Variants in GPSM1 observed in about 807,000 individuals in gnomAD.
The protein encoded by GPSM1 is G protein-signaling modulator 1.
Under a neutral mutation model 70.5 loss-of-function variants are expected in GPSM1, and 48 were observed. The ratio of observed to expected loss-of-function variants is 0.68; its 90% CI spans 0.54 to 0.87. GPSM1 has a LOEUF of 0.87. Ranked by LOEUF, GPSM1 falls within the 40% of genes least tolerant of loss-of-function variation. The probability of loss-of-function intolerance (pLI) is 0.00; values close to 1 mark genes in which losing one functional copy is unlikely to be tolerated. For synonymous variants in GPSM1, 416 were observed against 430.1 expected, an observed-to-expected ratio of 0.97 and a Z score of 0.41; for missense variants, 981 against 972.6, an observed-to-expected ratio of 1.01 and a Z score of -0.11.
chr9:136,334,305 G>T, intron 1 of GPSM1, 142 bp from the exon 2 acceptor site: 1 of 641,312 alleles, frequency 1.6e-6, no homozygotes, highest in Non-Finnish European at 2.7e-6. Flanking sequence ...GTATCCCAAA[G>T]AGACACTTAG....
Position 136,358,089 on chromosome 9 carries a change from T to G in GPSM1, c.1897T>G (p.Phe633Val), listed in dbSNP as rs1564360694. Residue 633 changes from phenylalanine (F) to valine (V), a missense_variant, in exon 14 of 14, where the codon TTC (phenylalanine) becomes GTC (valine). Physicochemically the swap from Phe to Val is conservative, Grantham distance 50. Transcript: ENST00000440944. ...GGGCCCTACCATGCCGGACGAGGAC[T>G]TCTTCAGCCTCATTCAGAGGGTGCA... ...PRGPTMPDED[F>V]FSLIQRVQAK... 1 of 1,612,702 alleles carries G rather than the reference T, an allele frequency of 6.2e-7. No homozygotes were observed. Among genetic ancestry groups the G allele is most frequent in the Admixed American group, 1.7e-5 (1 of 60,010 alleles).
chr9:136,336,581 C>T (rs1159132925), intron 3 of GPSM1, among the ~76,000 whole-genome samples: 2 of 152,208 alleles, frequency 1.3e-5, no homozygotes, highest in Non-Finnish European at 2.9e-5. Context: ...GTGACTTACC[C>T]CCCGTCACAC....
chr9:136,330,026 A>G (rs913073049), intron 1 of GPSM1, among the ~76,000 whole-genome samples: 37 of 151,910 alleles, frequency 2.4e-4, no homozygotes, highest in African/African-American at 9.0e-4. Flanking sequence ...TGGGTGCTAC[A>G]GTTAATGCTC....
intron 3 of GPSM1, among the ~76,000 whole-genome samples, chr9:136,336,405 C>T (rs966365353): frequency 2.0e-5 from 3 of 152,188 alleles, no homozygotes; most frequent in South Asian, 2.1e-4. Flanking sequence ...GGGGGCCCAG[C>T]GGGAGGCAGG....
At chr9:136,356,310 G>A (rs1554773123) in intron 12 of GPSM1, 32 bp from the exon 13 acceptor site, 3 of 1,483,368 alleles carry the variant, frequency 2.0e-6, no homozygotes, top group East Asian at 2.4e-5. Context: ...CCCCGCACTG[G>A]GTCCCAGGTC....
intron 11 of GPSM1, chr9:136,353,084 T>C (rs1832715580): frequency 3.0e-6 from 3 of 985,416 alleles, no homozygotes; most frequent in Non-Finnish European, 3.6e-6. Context: ...GCACCTTGTG[T>C]CCTGCCTGCG....
At chr9:136,337,654 G>T in intron 5 of GPSM1, 90 bp downstream of exon 5, 1 of 1,324,992 alleles carries the variant, frequency 7.5e-7, no homozygotes, top group Non-Finnish European at 1.1e-6. Context: ...AAAGGGCAGG[G>T]TGGTATGGCC....
At chr9:136,332,525 T>C (rs1774548141) in intron 1 of GPSM1, among the ~76,000 whole-genome samples, 1 of 152,164 alleles carries the variant, frequency 6.6e-6, no homozygotes, top group Non-Finnish European at 1.5e-5. Context: ...TCTCCTCCGA[T>C]GTTGCCTGGA....
intron 7 of GPSM1, among the ~76,000 whole-genome samples, 170 bp downstream of exon 7, chr9:136,338,880 C>T (rs1225113755): frequency 6.6e-6 from 1 of 152,222 alleles, no homozygotes; most frequent in East Asian, 1.9e-4. Context: ...GGACATTGGG[C>T]CGGCCACTGA....
chr9:136,333,654 C>A (rs1350208900), intron 1 of GPSM1, among the ~76,000 whole-genome samples: 1 of 152,192 alleles, frequency 6.6e-6, no homozygotes, highest in South Asian at 2.1e-4. Context: ...AGGTGGCGCT[C>A]ACACGGCGGA....
chr9:136,338,034 GC>G, intron 6 of GPSM1, 73 bp downstream of exon 6: 2 of 975,470 alleles, frequency 2.1e-6, no homozygotes. Context: ...GGAAGTGCCC[GC>G]CCCAAGCTGG....
intron 1 of GPSM1, among the ~76,000 whole-genome samples, chr9:136,332,539 AG>A (rs1832126453): frequency 6.6e-6 from 1 of 152,184 alleles, no homozygotes. Context: ...GCCTGGAAGG[AG>A]GGGGCAGTAA....
chr9:136,332,371 C>T (rs1832121415), intron 1 of GPSM1, among the ~76,000 whole-genome samples: 1 of 152,228 alleles, frequency 6.6e-6, no homozygotes, highest in African/African-American at 2.4e-5. Flanking sequence ...CCAGGCCCTT[C>T]CCAGGCCAGA....
At chr9:136,354,461 T>C (rs1170786226) in intron 11 of GPSM1, among the ~76,000 whole-genome samples, 1 of 151,976 alleles carries the variant, frequency 6.6e-6, no homozygotes, top group African/African-American at 2.4e-5. Context: ...GGAGGTGCCA[T>C]CTCCACCAAC....
At chr9:136,336,844 G>A in intron 3 of GPSM1, 77 bp from the exon 4 acceptor site, 2 of 1,395,430 alleles carry the variant, frequency 1.4e-6, no homozygotes, top group Non-Finnish European at 1.9e-6. Context: ...GGGACAGTGA[G>A]GACACCGGTG....
intron 8 of GPSM1, 150 bp downstream of exon 8, chr9:136,339,965 G>GGCCCCCCTCATCC: frequency 1.6e-6 from 1 of 620,716 alleles, no homozygotes; most frequent in Non-Finnish European, 2.9e-6. Context: ...CCGAGGCCTG[G>GGCCCCCCTCATCC]TGATGACATG....
intron 12 of GPSM1, 22 bp from the exon 13 acceptor site, chr9:136,356,320 C>G (rs1554773126): frequency 6.6e-7 from 1 of 1,525,694 alleles, no homozygotes; most frequent in East Asian, 2.3e-5. Context: ...GGTCCCAGGT[C>G]TCACCCTCTG....
At chr9:136,354,169 T>C (rs1199446759) in intron 11 of GPSM1, among the ~76,000 whole-genome samples, 1 of 152,178 alleles carries the variant, frequency 6.6e-6, no homozygotes, top group Non-Finnish European at 1.5e-5. Context: ...GTGGGGTCTC[T>C]CCTAAAACAG....
chr9:136,347,871 G>A (rs1167764003), intron 9 of GPSM1, among the ~76,000 whole-genome samples: 1 of 152,228 alleles, frequency 6.6e-6, no homozygotes, highest in East Asian at 1.9e-4. Flanking sequence ...GCCCCGCAGG[G>A]CTGAGCGACA....
Sources: allele counts gnomAD v4.1 joint callset (sites outside exome capture counted in the v4.1 genomes callset), GRCh38; gene constraint gnomAD v4.1.1; transcripts MANE v1.5; gene names NCBI Gene and HGNC (gene_info 2026-07-23, HGNC 2026-07-21).